PKD2: variants seen among roughly 807,000 people sequenced by gnomAD.
The protein encoded by PKD2 is polycystin 2, transient receptor potential cation channel.
Under a neutral mutation model 105.9 loss-of-function variants are expected in PKD2, and 48 were observed. The observed-to-expected ratio is 0.45, with a 90% CI of 0.36 to 0.58. The LOEUF (loss-of-function observed/expected upper bound fraction) is 0.58. PKD2 is among the 20% of genes least tolerant of loss of function. The pLI is 0.00. For missense variants in PKD2, 1,078 were observed against 1,255.3 expected, an observed-to-expected ratio of 0.86 and a Z score of 2.13; for synonymous variants, 464 against 481.1, an observed-to-expected ratio of 0.96 and a Z score of 0.46.
At chr4:88,054,905 C>A (rs569519095) in intron 7 of PKD2, among the ~76,000 whole-genome samples, 1 of 152,090 alleles carries the variant, frequency 6.6e-6, no homozygotes, top group African/African-American at 2.4e-5. Context: ...CCACCCACCT[C>A]GGCCTCCCAA....
At chr4:88,023,698 T>C (rs1726848502) in intron 2 of PKD2, among the ~76,000 whole-genome samples, 1 of 152,248 alleles carries the variant, frequency 6.6e-6, no homozygotes, top group Non-Finnish European at 1.5e-5. Flanking sequence ...TTTGGAAATA[T>C]CATTGTGAAG....
At position 88,065,835 on chromosome 4, in the gene PKD2, G is replaced by A. The variant is rs774525905; in HGVS notation, c.2314G>A (p.Glu772Lys). Reference sequence around the variant, plus strand: ...CCAAGATGGAGACCAAGAACTGACCGAACATGAACATCAGCAGATGAGAGA... The same window carrying A: ...CCAAGATGGAGACCAAGAACTGACCAAACATGAACATCAGCAGATGAGAGA... ...YDQDGDQELT[E>K]HEHQQMRDDL... Residue 772 changes from glutamate to lysine, a missense_variant, in exon 12 of 15, where the codon GAA (glutamate) becomes AAA (lysine). Physicochemically the swap from Glu to Lys is moderately conservative, Grantham distance 56 (BLOSUM62 1). This residue lies in a region of PKD2 where 868 missense variants were observed against 1,067.3 expected (regional missense o/e 0.81). Transcript: ENST00000237596. 1.6e-5 allele frequency: 26 copies of A among 1,613,028 alleles called. No individual in the cohort carries two copies. The highest frequency in any genetic ancestry group is 2.0e-5 in the Non-Finnish European group (24 of 1,179,228).
intron 6 of PKD2, among the ~76,000 whole-genome samples, chr4:88,049,365 C>T (rs897743825): frequency 2.0e-5 from 3 of 152,218 alleles, no homozygotes; most frequent in African/African-American, 4.8e-5. Context: ...CCTGCTTTGG[C>T]GACCAATAGG....
chr4:88,032,593 G>GT (rs1172621751), intron 2 of PKD2, among the ~76,000 whole-genome samples: 1 of 152,142 alleles, frequency 6.6e-6, no homozygotes, highest in Non-Finnish European at 1.5e-5. Flanking sequence ...TCCTTTATAT[G>GT]TTTTTTAGTA....
chr4:88,065,081 C>T (rs1238019560), intron 10 of PKD2, among the ~76,000 whole-genome samples: 1 of 152,150 alleles, frequency 6.6e-6, no homozygotes, highest in African/African-American at 2.4e-5. Context: ...AGGCAGACAG[C>T]TATAGCATAT....
intron 6 of PKD2, among the ~76,000 whole-genome samples, chr4:88,050,331 G>C (rs904455199): frequency 1.3e-5 from 2 of 152,062 alleles, no homozygotes; most frequent in African/African-American, 4.8e-5. Context: ...ACTTGCCACT[G>C]TTCTAGGCAC....
rs1315136856 is a variant in PKD2, at chr4:88,075,778, C to T, written c.*84C>T. Reference sequence around the variant, plus strand: ...TGTAACAAGCACACTATTTATATGCCCTGACCACCATAGGATGCTAGTCTT... The same window carrying T: ...TGTAACAAGCACACTATTTATATGCTCTGACCACCATAGGATGCTAGTCTT... On this transcript the variant is annotated 3_prime_UTR_variant, in exon 15 of 15. Transcript: ENST00000237596. The T allele has an allele frequency of 4.4e-6, 4 of 901,312 alleles. No individual in the cohort carries two copies. The Admixed American group carries it at 5.1e-5, about 11-fold the overall frequency. 55.8% of individuals were successfully genotyped at this position (901,312 alleles called of 1,614,324 possible). A position where few individuals can be genotyped will look rare whatever the true frequency, so the allele number is the denominator to read the frequency against.
chr4:88,012,202 T>C (rs1218169468), intron 1 of PKD2, among the ~76,000 whole-genome samples: 1 of 152,194 alleles, frequency 6.6e-6, no homozygotes, highest in Non-Finnish European at 1.5e-5. Flanking sequence ...CATAGTTTTG[T>C]TTTTATCCTC....
At chr4:88,058,154 T>C in intron 9 of PKD2, 51 bp downstream of exon 9, 2 of 1,134,330 alleles carry the variant, frequency 1.8e-6, no homozygotes, top group Non-Finnish European at 2.7e-6. Flanking sequence ...TCGTAAATCC[T>C]TGTCTTCTCT....
At chr4:88,070,601 T>TATATATATAG (rs1313482750) in intron 13 of PKD2, among the ~76,000 whole-genome samples, 109 of 91,458 alleles carry the variant, frequency 1.2e-3, no homozygotes, top group Non-Finnish European at 1.5e-3. Flanking sequence ...TATATATATA[T>TATATATATAG]AGAGAGAGAG....
intron 12 of PKD2, 97 bp downstream of exon 12, chr4:88,065,976 C>T (rs148400442): frequency 2.2e-5 from 17 of 777,302 alleles, no homozygotes; most frequent in East Asian, 7.4e-5. Context: ...AGTCTCTTGC[C>T]CATTCCCCAC....
intron 6 of PKD2, among the ~76,000 whole-genome samples, chr4:88,051,047 C>A (rs1720078254): frequency 6.6e-6 from 1 of 152,206 alleles, no homozygotes; most frequent in African/African-American, 2.4e-5. Context: ...CTGGTGGGGC[C>A]AGGTTGTTAT....
intron 1 of PKD2, among the ~76,000 whole-genome samples, chr4:88,017,140 G>A (rs977157774): frequency 3.0e-4 from 45 of 152,158 alleles, no homozygotes; most frequent in African/African-American, 1.1e-3. Context: ...CCTGGGCAAC[G>A]TATTGAGACC....
intron 1 of PKD2, among the ~76,000 whole-genome samples, chr4:88,013,556 G>A (rs1205445263): frequency 1.3e-5 from 2 of 152,118 alleles, no homozygotes; most frequent in Non-Finnish European, 2.9e-5. Flanking sequence ...ACAAAAATTA[G>A]CCAGGCAGGG....
chr4:88,054,978 A>G (rs544081582), intron 7 of PKD2, among the ~76,000 whole-genome samples: 10 of 152,200 alleles, frequency 6.6e-5, no homozygotes, highest in Non-Finnish European at 1.5e-4. Context: ...CTAATATCTC[A>G]TCATGTGCTC....
Position 88,070,506 on chromosome 4 carries a change from G to A in PKD2, c.2522+2445G>A, listed in dbSNP as rs990317598. Reference sequence around the variant, plus strand: ...GATGTATCTTCAAGTTCACTGACTTGTTCTTCTGTCAGCTTGCTTAAATCT... The same window carrying A: ...GATGTATCTTCAAGTTCACTGACTTATTCTTCTGTCAGCTTGCTTAAATCT... On this transcript the variant is annotated intron_variant, in intron 13 of 14. Transcript: ENST00000237596. Among the ~76,000 whole-genome samples, 4 of 148,412 alleles carry A rather than the reference G, an allele frequency of 2.7e-5. No individual in the cohort carries two copies. In the Admixed American group the frequency reaches 2.7e-4, roughly 10 times the overall value.
intron 2 of PKD2, among the ~76,000 whole-genome samples, chr4:88,026,743 G>A (rs536216457): frequency 7.2e-5 from 11 of 152,334 alleles, no homozygotes; most frequent in African/African-American, 2.6e-4. Context: ...GGGAAAAATG[G>A]TGTGAGCCAG....
chr4:88,044,692 T>C (rs775363889), intron 5 of PKD2, among the ~76,000 whole-genome samples: 1 of 152,132 alleles, frequency 6.6e-6, no homozygotes, highest in Non-Finnish European at 1.5e-5. Flanking sequence ...CTGAAGGAAA[T>C]TTTATTTTTC....
chr4:88,053,563 G>A (rs1028532743), intron 7 of PKD2, among the ~76,000 whole-genome samples: 26 of 151,752 alleles, frequency 1.7e-4, no homozygotes, highest in African/African-American at 6.1e-4. Context: ...AGGCTTAGGC[G>A]GGAGGATTGC....
Sources: gnomAD v4.1 joint callset for allele counts (sites outside exome capture counted in the v4.1 genomes callset) on GRCh38, gnomAD v4.1.1 for gene constraint, gnomAD v4.1.1 regional missense constraint, MANE v1.5 for transcripts, NCBI Gene and HGNC (gene_info 2026-07-23, HGNC 2026-07-21) for gene names.